The following FAM149A variants were observed in gnomAD, a reference collection of about 807,000 sequenced individuals.
FAM149A encodes protein FAM149A.
In FAM149A, 71 loss-of-function variants were observed where a neutral mutation model predicts 78.2. The ratio of observed to expected loss-of-function variants is 0.91; its 90% CI spans 0.75 to 1.11. The LOEUF (loss-of-function observed/expected upper bound fraction) is 1.11. Ranked by LOEUF, FAM149A falls within the 50% of genes least tolerant of loss-of-function variation. The probability of loss-of-function intolerance (pLI) is 0.00; values close to 1 mark genes in which losing one functional copy is unlikely to be tolerated. For synonymous variants in FAM149A, 446 were observed against 410.5 expected (o/e 1.09, Z -1.04); for missense variants, 1,036 against 971.0 (o/e 1.07, Z -0.89).
intron 1 of FAM149A, chr4:186,132,140 C>T (rs570542672): frequency 6.1e-6 from 6 of 985,398 alleles, no homozygotes; most frequent in Non-Finnish European, 7.2e-6. Context: ...GACAAATTAC[C>T]TTGGTACGAG....
Position 186,164,416 on chromosome 4 carries a change from C to T in FAM149A, c.1889+783C>T. On this transcript the variant is annotated intron_variant, in intron 10 of 13. Coordinates refer to ENST00000389354, the MANE Select transcript of FAM149A (RefSeq NM_001367768.3). This position sits in a 1 kb window ranked among gnomAD's most constrained non-coding sequence, Gnocchi z 4.0. Reference sequence around the variant, plus strand: ...GACCACCCACTGGACCCCCGGCCTGCAGGGGAGCTGTTATCAGGAGCCGAG... The same window carrying T: ...GACCACCCACTGGACCCCCGGCCTGTAGGGGAGCTGTTATCAGGAGCCGAG... 1 of 982,200 alleles carries T rather than the reference C, an allele frequency of 1.0e-6. No homozygotes were observed. The allele number at this position is 982,200 out of a possible 1,614,324, so 60.8% of individuals were successfully genotyped here.
At chr4:186,162,810 CTTTT>C (rs56973296) in intron 8 of FAM149A, 31 bp from the exon 9 acceptor site, 10,698 of 555,200 alleles carry the variant, frequency 0.019, 1 homozygote, top group Middle Eastern at 0.023. Context: ...ATTTGTAATT[CTTTT>C]TTTTTTTTTT....
At chr4:186,166,844 C>T in intron 11 of FAM149A, 124 bp from the exon 12 acceptor site, 2 of 808,948 alleles carry the variant, frequency 2.5e-6, no homozygotes, top group Non-Finnish European at 4.1e-6. Flanking sequence ...GAGACCTGAT[C>T]CTTAGTAATG....
Position 186,105,049 on chromosome 4 carries a change from G to A in FAM149A, c.-28G>A. 1 of 1,265,042 alleles carries A rather than the reference G, an allele frequency of 7.9e-7. No individual in the cohort carries two copies. The allele number at this position is 1,265,042 out of a possible 1,614,324, so 78.4% of individuals were successfully genotyped here. A position where few individuals can be genotyped will look rare whatever the true frequency, so the allele number is the denominator to read the frequency against. On this transcript the variant is annotated 5_prime_UTR_variant, in exon 1 of 14. Coordinates refer to ENST00000389354, the MANE Select transcript of FAM149A (RefSeq NM_001367768.3). ...CCGCGGTCTGAACTCTCGGGCGGCGGCGAGGACGGCGTGTCCACTGTCGAG... is the reference window on the plus strand; with the variant it reads ...CCGCGGTCTGAACTCTCGGGCGGCGACGAGGACGGCGTGTCCACTGTCGAG...
Position 186,158,892 on chromosome 4 carries a change from G to A in FAM149A, c.1575+1173G>A, listed in dbSNP as rs6834168. The A allele has an allele frequency of 6.6e-3, 4,663 of 710,548 alleles. 192 individuals are homozygous for A. In the African/African-American group the frequency reaches 0.084, roughly 13 times the overall value. The allele number at this position is 710,548 out of a possible 1,614,324, so 44.0% of individuals were successfully genotyped here. ...CCAGCAAGATGGAAATAAGGCCGAT[G>A]GAAAATAAACATCAGTTTCTATTTA... is the stretch of plus-strand genomic sequence containing the variant. On this transcript the variant is annotated intron_variant, in intron 8 of 13. Coordinates refer to ENST00000389354, the MANE Select transcript of FAM149A (RefSeq NM_001367768.3).
chr4:186,109,826 AT>A, intron 1 of FAM149A: 1 of 985,350 alleles, frequency 1.0e-6, no homozygotes. Context: ...TAGTTCAGTT[AT>A]TTGGGAGAAC....
intron 1 of FAM149A, among the ~76,000 whole-genome samples, chr4:186,132,535 A>G (rs1011815893): frequency 1.3e-5 from 2 of 152,232 alleles, no homozygotes; most frequent in Non-Finnish European, 2.9e-5. Flanking sequence ...AGAATGTGCC[A>G]GGGAGACAGG....
chr4:186,163,490 G>A lies in FAM149A; in HGVS notation c.1746G>A (p.Leu582=), dbSNP rs1359015522. 2 of 1,614,034 alleles carry A rather than the reference G, an allele frequency of 1.2e-6. No individual in the cohort carries two copies. The highest frequency in any genetic ancestry group is 1.3e-5 in the African/African-American group (1 of 74,904). Reference sequence around the variant, plus strand: ...CTCTCTCCTCCGCACCGCACAGACTGGGACGGGCCTCAGACACTCATGGAT... The same window carrying A: ...CTCTCTCCTCCGCACCGCACAGACTAGGACGGGCCTCAGACACTCATGGAT... The change falls in exon 10 of 14, where the codon CTG becomes CTA. Residue 582 remains leucine, a synonymous_variant. Transcript: ENST00000389354.
intron 1 of FAM149A, among the ~76,000 whole-genome samples, chr4:186,147,881 T>C (rs984504024): frequency 2.0e-5 from 3 of 152,178 alleles, no homozygotes; most frequent in Admixed American, 6.5e-5. Context: ...AACATCTTTA[T>C]CCTCAGAGTT....
intron 1 of FAM149A, among the ~76,000 whole-genome samples, chr4:186,130,733 A>G (rs951179641): frequency 3.9e-5 from 6 of 152,106 alleles, no homozygotes; most frequent in Non-Finnish European, 8.8e-5. Context: ...GATTCAAACA[A>G]TACAGTAATT....
chr4:186,147,100 G>C (rs1733111992), intron 1 of FAM149A: 1 of 584,872 alleles, frequency 1.7e-6, no homozygotes, highest in Non-Finnish European at 2.2e-6. Flanking sequence ...ATAGCAGTGA[G>C]AGGACAGTGC....
At chr4:186,158,395 C>A in intron 8 of FAM149A, 1 of 1,193,774 alleles carries the variant, frequency 8.4e-7, no homozygotes, top group Non-Finnish European at 1.1e-6. Context: ...CTCAGTGGGC[C>A]TGAAGGGGTG....
intron 1 of FAM149A, among the ~76,000 whole-genome samples, chr4:186,136,952 C>T (rs1467967926): frequency 8.5e-6 from 1 of 118,196 alleles, no homozygotes; most frequent in Non-Finnish European, 1.7e-5. Context: ...CTCTCTCTCT[C>T]TCTCTCTCTC....
chr4:186,154,664 A>G (rs1346270984), intron 6 of FAM149A, 26 bp downstream of exon 6: 3 of 1,589,312 alleles, frequency 1.9e-6, no homozygotes, highest in Non-Finnish European at 1.7e-6. Context: ...TTTGACATTG[A>G]CCTCATAAAA....
chr4:186,136,968 C>CTCTT (rs2099323257), intron 1 of FAM149A, among the ~76,000 whole-genome samples: 10 of 78,616 alleles, frequency 1.3e-4, no homozygotes, highest in African/African-American at 4.5e-4. Context: ...CTCTCTTTCT[C>CTCTT]TCTCTCTTTC....
At chr4:186,113,203 C>G (rs375665812) in intron 1 of FAM149A, among the ~76,000 whole-genome samples, 632 of 11,836 alleles carry the variant, frequency 0.053, 50 homozygotes, top group South Asian at 0.098. Context: ...TTGTACTATT[C>G]TCTGATGGTA....
chr4:186,158,313 C>T, intron 8 of FAM149A: 2 of 1,212,992 alleles, frequency 1.6e-6, no homozygotes, highest in South Asian at 1.5e-5. Flanking sequence ...GCCCACCTCC[C>T]ATTGCTCTGT....
intron 13 of FAM149A, among the ~76,000 whole-genome samples, chr4:186,168,417 G>A (rs949819854): frequency 1.3e-5 from 2 of 152,202 alleles, no homozygotes; most frequent in Non-Finnish European, 2.9e-5. Context: ...GTGCAGTGGT[G>A]CAATCTCAGC....
intron 5 of FAM149A, 129 bp downstream of exon 5, chr4:186,153,899 T>TA (rs1733814995): frequency 1.1e-6 from 1 of 925,704 alleles, no homozygotes. Flanking sequence ...GAAGGGCAGG[T>TA]ACAGAGAACA....
Sources: allele counts gnomAD v4.1 joint callset (sites outside exome capture counted in the v4.1 genomes callset), GRCh38; gene constraint gnomAD v4.1.1; non-coding constraint Gnocchi (gnomAD v3.1); transcripts MANE v1.5; gene names NCBI Gene and HGNC (gene_info 2026-07-23, HGNC 2026-07-21).